FRMPD4: variants seen among roughly 807,000 people sequenced by gnomAD.
FRMPD4 encodes the protein FERM and PDZ domain containing 4.
In FRMPD4, 22 loss-of-function variants were observed where a neutral mutation model predicts 94.1. The observed-to-expected ratio is 0.23, with a 90% confidence interval of 0.17 to 0.33. The LOEUF (loss-of-function observed/expected upper bound fraction) is 0.33. FRMPD4 is among the 10% of genes least tolerant of loss of function. FRMPD4 has a pLI of 1.00. For missense variants in FRMPD4, 1,111 were observed against 1,339.9 expected, an observed-to-expected ratio of 0.83 and a Z score of 2.67; for synonymous variants, 631 against 548.6, an observed-to-expected ratio of 1.15 and a Z score of -2.10.
chrX:11,977,461 A>T (rs1386173329), intron 3 of FRMPD4, among the ~76,000 whole-genome samples: 2 of 112,554 alleles, frequency 1.8e-5, no homozygotes, highest in East Asian at 5.5e-4. Flanking sequence ...AAATCATATT[A>T]AATGGGAATA....
intron 4 of FRMPD4, among the ~76,000 whole-genome samples, chrX:12,649,946 G>C (rs908924314): frequency 8.9e-6 from 1 of 112,624 alleles, no homozygotes; most frequent in Non-Finnish European, 1.9e-5. Flanking sequence ...TTTAAGGAAA[G>C]GCCATCTTTT....
intron 1 of FRMPD4, among the ~76,000 whole-genome samples, chrX:12,247,200 C>T (rs1470863758): frequency 1.8e-5 from 2 of 111,706 alleles, no homozygotes; most frequent in African/African-American, 6.5e-5. Flanking sequence ...TTTCTACCCA[C>T]TGGATATCCA....
chrX:12,201,004 A>G (rs1237512401), intron 1 of FRMPD4, among the ~76,000 whole-genome samples: 4 of 112,517 alleles, frequency 3.6e-5, no homozygotes, highest in Admixed American at 9.4e-5. Flanking sequence ...TAACACTTAC[A>G]GAGTTGCAAC....
At chrX:12,114,663 C>G (rs2147527918) in intron 3 of FRMPD4, among the ~76,000 whole-genome samples, 1 of 112,324 alleles carries the variant, frequency 8.9e-6, no homozygotes, top group South Asian at 3.6e-4. Context: ...AAAGTTTTAT[C>G]TATGGCAATT....
rs187366440 is a variant in FRMPD4, at chrX:12,490,064, A to C, written c.42-8616A>C. On this transcript the variant is annotated intron_variant, in intron 1 of 16. Coordinates refer to ENST00000675598, the MANE Select transcript of FRMPD4 (RefSeq NM_001368397.1). The stretch of plus-strand genomic sequence containing the variant: ...TGAGCAAATGTAATGTCATGAGGGC[A>C]CTGGATGCTTGAAAAAGAGAAATAG... Among the ~76,000 whole-genome samples, 312 of 111,611 alleles carry C rather than the reference A, an allele frequency of 2.8e-3. 1 individual carries two copies. Among genetic ancestry groups the C allele is most frequent in the African/African-American group, 9.4e-3 (289 of 30,715 alleles).
In FRMPD4 at chrX:12,683,586, C is replaced by T. The variant is rs1263695778; in HGVS notation, c.572C>T (p.Ser191Leu). Residue 191 changes from serine (S) to leucine (L), a missense_variant and splice_region_variant, in exon 6 of 17, where the codon TCG (serine) becomes TTG (leucine). Around this residue, in one of 8 missense-constraint regions of FRMPD4, gnomAD observed 140 missense variants for 165.9 expected, o/e 0.84. Transcript: ENST00000675598. ...GAGGTCATCATCAACGGCCAAGTGT[C>T]GGTGAGTTTACAGTCACCTGCTTTG... ...SEEVIINGQV[S>L]ETVKDNSLLF... 9 of 1,076,066 alleles carry T rather than the reference C, an allele frequency of 8.4e-6. No individual in the cohort carries two copies. The highest frequency in any genetic ancestry group is 3.8e-5 in the South Asian group (2 of 52,391). 88.7% of individuals were successfully genotyped at this position (1,076,066 alleles called of 1,213,427 possible).
intron 1 of FRMPD4, among the ~76,000 whole-genome samples, chrX:12,476,162 T>C (rs1436639382): frequency 1.8e-5 from 2 of 111,344 alleles, no homozygotes; most frequent in Non-Finnish European, 3.8e-5. Flanking sequence ...TAATGCCACA[T>C]ATCTACAACT....
chrX:11,882,375 G>A (rs926617225), intron 3 of FRMPD4, among the ~76,000 whole-genome samples: 3 of 111,078 alleles, frequency 2.7e-5, no homozygotes, highest in African/African-American at 9.8e-5. Context: ...GTGTGAGTGG[G>A]GCTGGCAAAG....
intron 1 of FRMPD4, among the ~76,000 whole-genome samples, chrX:12,387,978 A>T (rs977579041): frequency 1.7e-4 from 9 of 54,362 alleles, no homozygotes; most frequent in Non-Finnish European, 3.3e-4. Flanking sequence ...AATCAATCTT[A>T]AAAAAAAAAA....
chrX:12,447,602 G>A (rs1299856215), intron 1 of FRMPD4, among the ~76,000 whole-genome samples: 1 of 112,114 alleles, frequency 8.9e-6, no homozygotes, highest in African/African-American at 3.2e-5. Context: ...AATGCAACAC[G>A]TCAGTGGTTT....
chrX:12,723,232 A>G lies in FRMPD4; in HGVS notation c.*1374A>G, dbSNP rs1032389859. The G allele has an allele frequency of 1.4e-4, 16 of 112,065 alleles. No homozygotes were observed. The highest frequency in any genetic ancestry group is 1.2e-3 in the Admixed American group (13 of 10,568). 9.2% of individuals were successfully genotyped at this position (112,065 alleles called of 1,213,427 possible). A position where few individuals can be genotyped will look rare whatever the true frequency, so the allele number is the denominator to read the frequency against. On this transcript the variant is annotated 3_prime_UTR_variant, in exon 17 of 17. Transcript: ENST00000675598. ...ACATCTCTAAAAGTACCCTGCAGTC[A>G]TAAAATAAAATCGATATGTATATAT...
At chrX:11,941,864 T>C (rs758449116) in intron 3 of FRMPD4, among the ~76,000 whole-genome samples, 1 of 112,103 alleles carries the variant, frequency 8.9e-6, no homozygotes, top group Non-Finnish European at 1.9e-5. Context: ...AAGGCAACAC[T>C]AGCTTCTAAG....
intron 1 of FRMPD4, among the ~76,000 whole-genome samples, chrX:12,246,168 CA>C (rs1389846706): frequency 9.0e-6 from 1 of 111,610 alleles, no homozygotes; most frequent in Non-Finnish European, 1.9e-5. Context: ...TACTGAACCC[CA>C]AACCCCACGG....
intron 2 of FRMPD4, among the ~76,000 whole-genome samples, chrX:12,501,628 T>A (rs2057922263): frequency 9.0e-6 from 1 of 111,639 alleles, no homozygotes; most frequent in South Asian, 3.7e-4. Context: ...TTTTTCACTC[T>A]CTTGCATATT....
At chrX:12,447,272 G>A (rs184954914) in intron 1 of FRMPD4, among the ~76,000 whole-genome samples, 1 of 111,738 alleles carries the variant, frequency 8.9e-6, no homozygotes, top group Admixed American at 9.5e-5. Context: ...CTTGTACTTT[G>A]AAGTATATCT....
At chrX:12,367,463 C>T (rs1013442700) in intron 1 of FRMPD4, among the ~76,000 whole-genome samples, 1 of 112,450 alleles carries the variant, frequency 8.9e-6, no homozygotes, top group African/African-American at 3.2e-5. Flanking sequence ...AATGAACCAT[C>T]CTTAGTGGCT....
chrX:12,585,014 G>A (rs982546274), intron 2 of FRMPD4, among the ~76,000 whole-genome samples: 1 of 111,172 alleles, frequency 9.0e-6, no homozygotes, highest in Admixed American at 9.5e-5. Context: ...TCCGCCTTCC[G>A]AGTTCAAGTG....
intron 2 of FRMPD4, among the ~76,000 whole-genome samples, chrX:11,873,167 C>T (rs1020218981): frequency 9.0e-6 from 1 of 111,173 alleles, no homozygotes; most frequent in African/African-American, 3.3e-5. Context: ...ATGCTTTACC[C>T]CTAAGATCAG....
At chrX:12,234,258 A>G (rs181419431) in intron 1 of FRMPD4, among the ~76,000 whole-genome samples, 2 of 111,781 alleles carry the variant, frequency 1.8e-5, no homozygotes, top group African/African-American at 6.5e-5. Flanking sequence ...ATGTAATGTT[A>G]ATGGTCTAAT....
Sources: gnomAD v4.1 joint callset for allele counts (sites outside exome capture counted in the v4.1 genomes callset) on GRCh38, gnomAD v4.1.1 for gene constraint, gnomAD v4.1.1 regional missense constraint, MANE v1.5 for transcripts, NCBI Gene and HGNC (gene_info 2026-07-23, HGNC 2026-07-21) for gene names.